ST6GALNAC5: variants seen among roughly 807,000 people sequenced by gnomAD.
ST6GALNAC5 encodes alpha-N-acetylgalactosaminide alpha-2,6-sialyltransferase 5.
ST6GALNAC5 carries 27 observed loss-of-function variants against 33.6 expected under a neutral mutation model. The observed-to-expected ratio is 0.80, with a 90% confidence interval of 0.59 to 1.11. ST6GALNAC5 has a LOEUF of 1.11. Ranked by LOEUF, ST6GALNAC5 falls within the 50% of genes least tolerant of loss-of-function variation. The pLI, the probability that ST6GALNAC5 is intolerant of heterozygous loss-of-function variation, is 0.00. For missense variants in ST6GALNAC5, 428 were observed against 454.0 expected (o/e 0.94, Z 0.52); for synonymous variants, 194 against 171.2 (o/e 1.13, Z -1.04).
intron 2 of ST6GALNAC5, among the ~76,000 whole-genome samples, chr1:76,945,294 G>C (rs1647477173): frequency 6.6e-6 from 1 of 151,936 alleles, no homozygotes; most frequent in African/African-American, 2.4e-5. Context: ...GATTAAAAAG[G>C]CTGTGTCAAA....
intron 2 of ST6GALNAC5, among the ~76,000 whole-genome samples, chr1:76,900,519 G>A (rs1415040965): frequency 6.6e-6 from 1 of 152,104 alleles, no homozygotes; most frequent in Non-Finnish European, 1.5e-5. Flanking sequence ...ATATACTTTT[G>A]CAAAATAAAA....
intron 2 of ST6GALNAC5, among the ~76,000 whole-genome samples, chr1:77,009,288 G>A (rs1471289870): frequency 1.3e-5 from 2 of 152,182 alleles, no homozygotes; most frequent in Non-Finnish European, 1.5e-5. Context: ...CCCAGTGAGA[G>A]TTTGGTTGAG....
chr1:77,037,520 T>A (rs1651690664), intron 2 of ST6GALNAC5, among the ~76,000 whole-genome samples: 1 of 152,104 alleles, frequency 6.6e-6, no homozygotes. Context: ...ATGTAACAAA[T>A]CTGCATGTGT....
chr1:76,881,903 T>G (rs1020033319), intron 2 of ST6GALNAC5, among the ~76,000 whole-genome samples: 2 of 152,160 alleles, frequency 1.3e-5, no homozygotes, highest in African/African-American at 4.8e-5. Context: ...CCAGAGTGGT[T>G]GTGTGATTTG....
chr1:76,873,328 C>G (rs1175963942), intron 2 of ST6GALNAC5, among the ~76,000 whole-genome samples: 1 of 152,194 alleles, frequency 6.6e-6, no homozygotes, highest in Non-Finnish European at 1.5e-5. Context: ...TTCCTTATAA[C>G]ACTTAACAAT....
chr1:77,049,105 G>C (rs1489197962), intron 3 of ST6GALNAC5, among the ~76,000 whole-genome samples: 1 of 152,080 alleles, frequency 6.6e-6, no homozygotes, highest in East Asian at 1.9e-4. Flanking sequence ...GTCAGGTATT[G>C]GACAAAATGA....
rs557569110 is a variant in ST6GALNAC5, at chr1:76,867,554, C to A, written c.-122C>A. 4.6e-6 allele frequency: 7 copies of A among 1,531,374 alleles called. No individual in the cohort carries two copies. Among genetic ancestry groups the A allele is most frequent in the Non-Finnish European group, 6.3e-6 (7 of 1,107,138 alleles). The allele number at this position is 1,531,374 out of a possible 1,614,324, so 94.9% of individuals were successfully genotyped here. A position where few individuals can be genotyped will look rare whatever the true frequency, so the allele number is the denominator to read the frequency against. On this transcript the variant is annotated 5_prime_UTR_variant, in exon 1 of 5. Coordinates refer to ENST00000477717, the MANE Select transcript of ST6GALNAC5 (RefSeq NM_030965.3). ...CGCGGCTCCCGCGCGCGATCTGCCG[C>A]GGCCGGCTGCTGGGCAAAAATCAGA...
At chr1:77,002,340 C>G (rs919327084) in intron 2 of ST6GALNAC5, among the ~76,000 whole-genome samples, 13 of 151,936 alleles carry the variant, frequency 8.6e-5, no homozygotes, top group African/African-American at 3.1e-4. Context: ...GGTGGTATCC[C>G]CTTTATCATT....
At chr1:76,937,846 G>A (rs545795995) in intron 2 of ST6GALNAC5, among the ~76,000 whole-genome samples, 3 of 152,134 alleles carry the variant, frequency 2.0e-5, no homozygotes, top group South Asian at 2.1e-4. Context: ...CAATTTGAAC[G>A]CCTTATGACT....
intron 2 of ST6GALNAC5, among the ~76,000 whole-genome samples, chr1:77,014,763 T>C (rs1220097345): frequency 2.0e-5 from 3 of 152,138 alleles, no homozygotes; most frequent in African/African-American, 7.2e-5. Flanking sequence ...CCTCTGGTAC[T>C]TGAGATGAAC....
intron 2 of ST6GALNAC5, among the ~76,000 whole-genome samples, chr1:76,924,335 A>C (rs988802415): frequency 6.6e-6 from 1 of 152,144 alleles, no homozygotes; most frequent in East Asian, 1.9e-4. Context: ...AATTTGACTT[A>C]AGTTTCTGGA....
intron 2 of ST6GALNAC5, among the ~76,000 whole-genome samples, chr1:76,878,154 A>G (rs1458152019): frequency 3.3e-5 from 5 of 152,196 alleles, no homozygotes; most frequent in African/African-American, 9.7e-5. Flanking sequence ...AATCTCTGCA[A>G]TCCCTACAGG....
At chr1:76,897,071 C>T (rs972267567) in intron 2 of ST6GALNAC5, among the ~76,000 whole-genome samples, 6 of 152,012 alleles carry the variant, frequency 3.9e-5, no homozygotes, top group African/African-American at 7.3e-5. Flanking sequence ...AGAATTATGC[C>T]GAGATAGGTA....
In ST6GALNAC5 at chr1:76,960,960, G is replaced by A. The variant is rs181346704; in HGVS notation, c.262-83244G>A. On this transcript the variant is annotated intron_variant, in intron 2 of 4. Transcript: ENST00000477717. ...GCGACATACATCCCCCTCATCTTAC[G>A]AAGATGATGGGATTAAGAGATTGAA... Among the ~76,000 whole-genome samples, 19 of 152,190 alleles carry A rather than the reference G, an allele frequency of 1.2e-4. No homozygotes were observed. The East Asian group carries it at 2.1e-3, about 17-fold the overall frequency.
At chr1:76,936,302 G>A (rs1647202626) in intron 2 of ST6GALNAC5, among the ~76,000 whole-genome samples, 1 of 151,896 alleles carries the variant, frequency 6.6e-6, no homozygotes, top group Non-Finnish European at 1.5e-5. Flanking sequence ...TTTTTCATGT[G>A]TACTATAACT....
intron 2 of ST6GALNAC5, among the ~76,000 whole-genome samples, chr1:77,030,217 C>T (rs2100446951): frequency 6.6e-6 from 1 of 152,306 alleles, no homozygotes; most frequent in South Asian, 2.1e-4. Context: ...ATCCTCTTTT[C>T]TTTCCAGTCC....
At chr1:76,879,583 C>A (rs1428452001) in intron 2 of ST6GALNAC5, among the ~76,000 whole-genome samples, 1 of 152,190 alleles carries the variant, frequency 6.6e-6, no homozygotes, top group Non-Finnish European at 1.5e-5. Context: ...GGTCTAGAAG[C>A]AAACAGGGGT....
intron 2 of ST6GALNAC5, among the ~76,000 whole-genome samples, chr1:76,962,923 A>G (rs1485713102): frequency 6.6e-6 from 1 of 152,240 alleles, no homozygotes; most frequent in Non-Finnish European, 1.5e-5. Flanking sequence ...TGAAGGAAAA[A>G]GCTGAACATT....
intron 2 of ST6GALNAC5, among the ~76,000 whole-genome samples, chr1:76,879,035 G>T (rs1653716123): frequency 6.6e-6 from 1 of 152,160 alleles, no homozygotes. Context: ...CCCACTGTTA[G>T]ATCTGACATA....
Sources: gnomAD v4.1 joint callset for allele counts (sites outside exome capture counted in the v4.1 genomes callset) on GRCh38, gnomAD v4.1.1 for gene constraint, MANE v1.5 for transcripts, NCBI Gene and HGNC (gene_info 2026-07-23, HGNC 2026-07-21) for gene names.